TBC1D22A: variants seen among roughly 807,000 people sequenced by gnomAD.
TBC1D22A encodes TBC1 domain family member 22A.
Under a neutral mutation model 60.2 loss-of-function variants are expected in TBC1D22A, and 38 were observed. The observed-to-expected ratio is 0.63, with a 90% CI of 0.49 to 0.83. The LOEUF (loss-of-function observed/expected upper bound fraction) is 0.83, where lower values mean the gene tolerates loss of function less well. Ranked by LOEUF, TBC1D22A falls within the 40% of genes least tolerant of loss-of-function variation. TBC1D22A has a pLI of 0.00. For missense variants in TBC1D22A, 628 were observed against 701.0 expected, an observed-to-expected ratio of 0.90 and a Z score of 1.18; for synonymous variants, 302 against 281.7, an observed-to-expected ratio of 1.07 and a Z score of -0.72.
chr22:46,818,588 C>T (rs1017320139), intron 4 of TBC1D22A, among the ~76,000 whole-genome samples: 7 of 152,116 alleles, frequency 4.6e-5, no homozygotes, highest in Non-Finnish European at 1.0e-4. Flanking sequence ...CTTCTGAGGT[C>T]TCTGTTCTGC....
chr22:46,841,798 G>A (rs1315146656), intron 4 of TBC1D22A, among the ~76,000 whole-genome samples: 1 of 152,172 alleles, frequency 6.6e-6, no homozygotes, highest in Non-Finnish European at 1.5e-5. Context: ...GTACTGTATG[G>A]TATACTTGGA....
intron 7 of TBC1D22A, among the ~76,000 whole-genome samples, chr22:46,910,421 G>A (rs1328526091): frequency 6.6e-6 from 1 of 152,208 alleles, no homozygotes; most frequent in Non-Finnish European, 1.5e-5. Flanking sequence ...AGGGTAGGAA[G>A]GGATCGACTC....
intron 4 of TBC1D22A, among the ~76,000 whole-genome samples, chr22:46,805,860 T>C (rs746034911): frequency 1.3e-5 from 2 of 151,630 alleles, no homozygotes; most frequent in Non-Finnish European, 2.9e-5. Context: ...CTTCTTTTTT[T>C]TCTTTATTTT....
intron 8 of TBC1D22A, among the ~76,000 whole-genome samples, chr22:46,968,630 T>G (rs2073925638): frequency 6.6e-6 from 1 of 151,746 alleles, no homozygotes; most frequent in Admixed American, 6.6e-5. Flanking sequence ...CGGTCCTGAG[T>G]GGGCAGGCGT....
intron 4 of TBC1D22A, among the ~76,000 whole-genome samples, chr22:46,859,133 C>T (rs1287015645): frequency 1.1e-3 from 128 of 116,536 alleles, no homozygotes; most frequent in African/African-American, 4.7e-3. Context: ...TAGAGGTCCG[C>T]GCAGTGCCGT....
chr22:46,813,478 G>A (rs532090692), intron 4 of TBC1D22A, among the ~76,000 whole-genome samples: 27 of 152,246 alleles, frequency 1.8e-4, no homozygotes, highest in African/African-American at 2.6e-4. Context: ...TGGCTTTTCC[G>A]TTTTCCCAGG....
chr22:47,055,905 C>T (rs147644547), intron 11 of TBC1D22A, among the ~76,000 whole-genome samples: 2 of 151,920 alleles, frequency 1.3e-5, no homozygotes, highest in East Asian at 1.9e-4. Context: ...CGGTGAGATA[C>T]GCCACTGAGG....
At chr22:47,047,578 C>T (rs1006655288) in intron 11 of TBC1D22A, among the ~76,000 whole-genome samples, 6 of 152,224 alleles carry the variant, frequency 3.9e-5, no homozygotes, top group Non-Finnish European at 7.3e-5. Flanking sequence ...CGGGAAGCAC[C>T]GGCTGCCCCA....
Position 46,894,677 on chromosome 22 carries a change from G to C in TBC1D22A, c.838-107G>C, listed in dbSNP as rs368579186. On this transcript the variant is annotated intron_variant, in intron 6 of 12. Coordinates refer to ENST00000337137, the MANE Select transcript of TBC1D22A (RefSeq NM_014346.5). ...CGAGAATCCTCAAGGAGAGAGCGGG[G>C]TAGAGGCCGGGGAAGGACTTACCTC... 11 of 1,311,446 alleles carry C rather than the reference G, an allele frequency of 8.4e-6. No individual in the cohort carries two copies. The African/African-American group carries it at 1.6e-4, about 19-fold the overall frequency. The allele number at this position is 1,311,446 out of a possible 1,614,324, so 81.2% of individuals were successfully genotyped here.
At chr22:47,123,267 C>T (rs2066336279) in intron 12 of TBC1D22A, among the ~76,000 whole-genome samples, 1 of 150,404 alleles carries the variant, frequency 6.6e-6, no homozygotes, top group Admixed American at 6.6e-5. Flanking sequence ...GGTGTAGACT[C>T]CTGCTGGAGG....
At position 46,965,485 on chromosome 22, in the gene TBC1D22A, C is replaced by T. The variant is rs372320788; in HGVS notation, c.1016-8805C>T. Among the ~76,000 whole-genome samples, 318 of 152,338 alleles carry T rather than the reference C, an allele frequency of 2.1e-3. 3 individuals are homozygous for T. Among genetic ancestry groups the T allele is most frequent in the African/African-American group, 7.3e-3 (305 of 41,590 alleles). On this transcript the variant is annotated intron_variant, in intron 8 of 12. Transcript: ENST00000337137. The stretch of plus-strand genomic sequence containing the variant: ...GCTCTGTGGGTTTTAAAGCCTTCGG[C>T]GTGCTTTGTCAGATTGTTTTGCAGA...
At chr22:46,921,713 A>G (rs2070769002) in intron 8 of TBC1D22A, among the ~76,000 whole-genome samples, 1 of 152,094 alleles carries the variant, frequency 6.6e-6, no homozygotes, top group South Asian at 2.1e-4. Context: ...CTAGCAGTGT[A>G]AAAGCATTTT....
rs572767812 is a variant in TBC1D22A at position 46,862,428 on chromosome 22, G to A, written c.638-16225G>A. ...TGAGATTTGGAGATTTTCTCTTGCC[G>A]TGAGCCTTCCTCAGCCCCCTCTTGC... is the stretch of plus-strand genomic sequence containing the variant. On this transcript the variant is annotated intron_variant, in intron 4 of 12. Transcript: ENST00000337137. Among the ~76,000 whole-genome samples the A allele has an allele frequency of 6.6e-5, 10 of 152,252 alleles. No individual in the cohort carries two copies. In the South Asian group the frequency reaches 1.5e-3, roughly 22 times the overall value.
intron 12 of TBC1D22A, among the ~76,000 whole-genome samples, chr22:47,125,779 C>T (rs1601594158): frequency 2.0e-5 from 3 of 152,186 alleles, no homozygotes; most frequent in Admixed American, 2.0e-4. Context: ...GGCCCCCTAC[C>T]GGCTGCTGTG....
intron 12 of TBC1D22A, among the ~76,000 whole-genome samples, chr22:47,155,786 G>A (rs1384979283): frequency 1.3e-5 from 2 of 151,532 alleles, no homozygotes; most frequent in South Asian, 2.1e-4. Flanking sequence ...GCGGTGGTGC[G>A]GACGGGCGCA....
At chr22:46,788,517 C>T (rs939255837) in intron 1 of TBC1D22A, among the ~76,000 whole-genome samples, 5 of 152,190 alleles carry the variant, frequency 3.3e-5, no homozygotes, top group Admixed American at 6.5e-5. Context: ...AGGGCTGTTC[C>T]TTCACTTTTC....
chr22:47,158,008 C>G (rs958405106), intron 12 of TBC1D22A, among the ~76,000 whole-genome samples: 1 of 152,166 alleles, frequency 6.6e-6, no homozygotes, highest in African/African-American at 2.4e-5. Context: ...ACCCTCCAGC[C>G]GGCAGGCGTG....
chr22:47,089,396 G>A (rs2064828332), intron 11 of TBC1D22A, among the ~76,000 whole-genome samples: 1 of 152,254 alleles, frequency 6.6e-6, no homozygotes, highest in Non-Finnish European at 1.5e-5. Flanking sequence ...GATCATTGTG[G>A]ATCTTGAGTG....
At position 46,802,276 on chromosome 22, in the gene TBC1D22A, CAG is replaced by C. The variant is rs576058100; in HGVS notation, c.637+4659_637+4660del. On this transcript the variant is annotated intron_variant, in intron 4 of 12. Coordinates refer to ENST00000337137, the MANE Select transcript of TBC1D22A (RefSeq NM_014346.5). ...GAGCTGACATTCTCGTGTGAGGAGACAGAGGGAGCTCGCTCAGTACCCCCGCA... is the reference window on the plus strand; with the variant it reads ...GAGCTGACATTCTCGTGTGAGGAGACAGGGAGCTCGCTCAGTACCCCCGCA... Among the ~76,000 whole-genome samples the C allele has an allele frequency of 3.6e-3, 548 of 152,320 alleles. 1 individual carries two copies. The highest frequency in any genetic ancestry group is 0.012 in the African/African-American group (518 of 41,578).
Sources: allele counts gnomAD v4.1 joint callset (sites outside exome capture counted in the v4.1 genomes callset), GRCh38; gene constraint gnomAD v4.1.1; transcripts MANE v1.5; gene names NCBI Gene and HGNC (gene_info 2026-07-23, HGNC 2026-07-21).